Variants in PRKN observed in about 807,000 individuals in gnomAD.
The protein encoded by PRKN is parkin RBR E3 ubiquitin protein ligase, also known as E3 ubiquitin-protein ligase parkin.
A neutral mutation model predicts 59.5 loss-of-function variants in PRKN; 56 were observed. That is an observed-to-expected ratio of 0.94 (90% CI 0.76 to 1.18). The LOEUF (loss-of-function observed/expected upper bound fraction) is 1.18. Ranked by LOEUF, PRKN falls within the 50% of genes most tolerant of loss-of-function variation. PRKN has a pLI of 0.00. For missense variants in PRKN, 657 were observed against 596.4 expected (o/e 1.10, Z -1.06); for synonymous variants, 250 against 222.1 (o/e 1.13, Z -1.12).
intron 4 of PRKN, among the ~76,000 whole-genome samples, chr6:162,158,895 T>G (rs1046839625): frequency 6.6e-6 from 1 of 152,010 alleles, no homozygotes; most frequent in African/African-American, 2.4e-5. Context: ...GCGCCCATGT[T>G]AAAGCTCTAT....
At chr6:162,533,250 G>A (rs1433375085) in intron 1 of PRKN, among the ~76,000 whole-genome samples, 1 of 152,182 alleles carries the variant, frequency 6.6e-6, no homozygotes, top group African/African-American at 2.4e-5. Context: ...ATGGCTGGGC[G>A]CGGTGGCTCA....
At chr6:162,718,472 G>A (rs1187822356) in intron 1 of PRKN, among the ~76,000 whole-genome samples, 1 of 152,104 alleles carries the variant, frequency 6.6e-6, no homozygotes, top group African/African-American at 2.4e-5. Context: ...AGCACTTTGG[G>A]AGGCCGAGAC....
chr6:161,352,769 A>ATTTTTTT lies in PRKN; in HGVS notation c.1286-2559_1286-2558insAAAAAAA, dbSNP rs1554251159. On this transcript the variant is annotated intron_variant, in intron 11 of 11. Transcript: ENST00000366898. The surrounding 1 kb of genome is among the most constrained non-coding windows in gnomAD (Gnocchi z 5.8). Reference sequence around the variant, plus strand: ...TGTGTGTGTGTGTATATATATATATATATTTTATTTTATTTTATTTTATTT... The same window carrying ATTTTTTT: ...TGTGTGTGTGTGTATATATATATATATTTTTTTTATTTTATTTTATTTTATTTTATTT... Among the ~76,000 whole-genome samples, 183 of 119,470 alleles carry ATTTTTTT rather than the reference A, an allele frequency of 1.5e-3. 1 individual carries two copies. Among genetic ancestry groups the ATTTTTTT allele is most frequent in the African/African-American group, 4.6e-3 (158 of 34,392 alleles). 78.4% of individuals were successfully genotyped at this position (119,470 alleles called of 152,430 possible). A position where few individuals can be genotyped will look rare whatever the true frequency, so the allele number is the denominator to read the frequency against.
At chr6:162,482,855 T>G (rs1792368658) in intron 1 of PRKN, among the ~76,000 whole-genome samples, 1 of 152,134 alleles carries the variant, frequency 6.6e-6, no homozygotes, top group Non-Finnish European at 1.5e-5. Flanking sequence ...ACGTGGAAAT[T>G]TATTATCCAT....
chr6:162,463,107 A>C (rs536563332), intron 1 of PRKN, among the ~76,000 whole-genome samples: 110 of 151,240 alleles, frequency 7.3e-4, no homozygotes, highest in Non-Finnish European at 1.3e-3. Flanking sequence ...AAAAAAAACC[A>C]CGTCATCTTT....
chr6:161,917,223 A>G lies in PRKN; in HGVS notation c.734+56079T>C, dbSNP rs533941822. 1.1e-4 allele frequency among the ~76,000 whole-genome samples: 16 copies of G among 152,128 alleles called. No homozygotes were observed. In the South Asian group the frequency reaches 3.3e-3, roughly 32 times the overall value. ...AGGGCTCAAGTAATTCTCCTGCCTC[A>G]GCCTCCCGAGTAGCTGGGACTACAG... On this transcript the variant is annotated intron_variant, in intron 6 of 11. Transcript: ENST00000366898.
intron 6 of PRKN, among the ~76,000 whole-genome samples, chr6:161,808,808 G>A (rs535438287): frequency 5.3e-5 from 8 of 152,172 alleles, no homozygotes; most frequent in African/African-American, 1.4e-4. Flanking sequence ...TCAAGACTGC[G>A]ATAAAAGTCA....
chr6:162,600,062 T>C (rs2128216442), intron 1 of PRKN, among the ~76,000 whole-genome samples: 1 of 152,322 alleles, frequency 6.6e-6, no homozygotes, highest in Middle Eastern at 3.4e-3. Context: ...TATACATTTA[T>C]ATACCCATCT....
In PRKN at chr6:161,544,503, T is replaced by G. The variant is rs1583211219; in HGVS notation, c.1083+4351A>C. Among the ~76,000 whole-genome samples the G allele has an allele frequency of 1.2e-5, 1 of 81,956 alleles. No individual in the cohort carries two copies. The highest frequency in any genetic ancestry group is 4.2e-5 in the African/African-American group (1 of 23,590). The allele number at this position is 81,956 out of a possible 152,430, so 53.8% of individuals were successfully genotyped here. A position where few individuals can be genotyped will look rare whatever the true frequency, so the allele number is the denominator to read the frequency against. Reference sequence around the variant, plus strand: ...TATTAAGATTCACTCAACCATTTATTTTATTCATTCATTCATTCATTCATT... The same window carrying G: ...TATTAAGATTCACTCAACCATTTATGTTATTCATTCATTCATTCATTCATT... On this transcript the variant is annotated intron_variant, in intron 9 of 11. Transcript: ENST00000366898. The surrounding 1 kb of genome is among the most constrained non-coding windows in gnomAD (Gnocchi z 5.5).
chr6:161,634,752 C>T (rs1383337847), intron 7 of PRKN, among the ~76,000 whole-genome samples: 1 of 152,188 alleles, frequency 6.6e-6, no homozygotes, highest in Non-Finnish European at 1.5e-5. Flanking sequence ...GGCTGCCCTC[C>T]ACATTAGTAG....
chr6:162,073,139 A>G (rs1444422602), intron 4 of PRKN, among the ~76,000 whole-genome samples: 1 of 152,250 alleles, frequency 6.6e-6, no homozygotes, highest in Non-Finnish European at 1.5e-5. Flanking sequence ...AACAGGTCAC[A>G]CAGATAGTAG....
At chr6:162,098,891 G>A (rs968167459) in intron 4 of PRKN, among the ~76,000 whole-genome samples, 2 of 152,156 alleles carry the variant, frequency 1.3e-5, no homozygotes, top group Non-Finnish European at 2.9e-5. Context: ...GAAGAGGGGT[G>A]GATGGATGTG....
chr6:161,760,421 G>T (rs1789146430), intron 7 of PRKN, among the ~76,000 whole-genome samples: 1 of 150,976 alleles, frequency 6.6e-6, no homozygotes, highest in Non-Finnish European at 1.5e-5. Flanking sequence ...TTTTTTTCAA[G>T]CCTCAATTTC....
chr6:162,646,118 C>T (rs541265623), intron 1 of PRKN, among the ~76,000 whole-genome samples: 98 of 151,984 alleles, frequency 6.4e-4, no homozygotes, highest in Non-Finnish European at 5.3e-4. Context: ...GTAAACCGCC[C>T]GCCTCGGCCT....
chr6:161,364,165 T>A (rs1188354134), intron 10 of PRKN, among the ~76,000 whole-genome samples: 3 of 100,736 alleles, frequency 3.0e-5, no homozygotes, highest in African/African-American at 9.4e-5. Context: ...GGAGACTCCG[T>A]CTCAAAAAAA....
chr6:161,804,422 C>T (rs1791221631), intron 6 of PRKN, among the ~76,000 whole-genome samples: 1 of 152,140 alleles, frequency 6.6e-6, no homozygotes, highest in African/African-American at 2.4e-5. Context: ...AGGAGGAAGG[C>T]AAGGCTGGTG....
chr6:162,024,731 C>A lies in PRKN; in HGVS notation c.618+29360G>T, dbSNP rs563331965. ...ATGCTTCAGTTCTGAACTCTAGTGA[C>A]CTTGGTGCAGTCCCAAACAAAGATC... On this transcript the variant is annotated intron_variant, in intron 5 of 11. Coordinates refer to ENST00000366898, the MANE Select transcript of PRKN (RefSeq NM_004562.3). 8.5e-5 allele frequency among the ~76,000 whole-genome samples: 13 copies of A among 152,160 alleles called. No individual in the cohort carries two copies. The South Asian group carries it at 1.9e-3, about 22-fold the overall frequency.
rs1262752134 is a variant in PRKN, at chr6:161,874,249, TATATATTATATGTAAA to T, written c.735-88357_735-88342del. Among the ~76,000 whole-genome samples the T allele has an allele frequency of 6.1e-3, 89 of 14,636 alleles. 18 individuals carry two copies. Among genetic ancestry groups the T allele is most frequent in the Non-Finnish European group, 0.012 (77 of 6,512 alleles). The allele number at this position is 14,636 out of a possible 152,430, so 9.6% of individuals were successfully genotyped here. A position where few individuals can be genotyped will look rare whatever the true frequency, so the allele number is the denominator to read the frequency against. ...ATTATATATAATATATAATATATAA[TATATATTATATGTAAA>T]ATATATAATATATATTATATATTAT... is the stretch of plus-strand genomic sequence containing the variant. On this transcript the variant is annotated intron_variant, in intron 6 of 11. Transcript: ENST00000366898.
intron 4 of PRKN, among the ~76,000 whole-genome samples, chr6:162,115,267 T>C (rs1334368046): frequency 2.6e-5 from 4 of 151,642 alleles, no homozygotes; most frequent in Admixed American, 6.6e-5. Context: ...ACACCGCATA[T>C]TCTTACTCAT....
Sources: allele counts gnomAD v4.1 joint callset (sites outside exome capture counted in the v4.1 genomes callset), GRCh38; gene constraint gnomAD v4.1.1; non-coding constraint Gnocchi (gnomAD v3.1); transcripts MANE v1.5; gene names NCBI Gene and HGNC (gene_info 2026-07-23, HGNC 2026-07-21).